GRM5: variants seen among roughly 807,000 people sequenced by gnomAD.
GRM5 encodes the protein metabotropic glutamate receptor 5.
A neutral mutation model predicts 83.1 loss-of-function variants in GRM5; 19 were observed. That is an observed-to-expected ratio of 0.23 (90% confidence interval 0.16 to 0.34). The LOEUF is 0.34. Among genes scored for constraint, GRM5 ranks in the 10% least tolerant of loss-of-function variants. GRM5 has a pLI of 1.00. For synonymous variants in GRM5, 675 were observed against 633.6 expected, an observed-to-expected ratio of 1.07 and a Z score of -0.98; for missense variants, 1,160 against 1,588.3, an observed-to-expected ratio of 0.73 and a Z score of 4.58.
intron 3 of GRM5, among the ~76,000 whole-genome samples, chr11:88,766,083 A>G (rs933543835): frequency 1.3e-5 from 2 of 151,976 alleles, no homozygotes; most frequent in Non-Finnish European, 2.9e-5. Context: ...ACATGAAAAG[A>G]TGCTCATGGA....
intron 1 of GRM5, among the ~76,000 whole-genome samples, chr11:89,050,051 C>T (rs1488858999): frequency 6.6e-6 from 1 of 152,098 alleles, no homozygotes; most frequent in Non-Finnish European, 1.5e-5. Flanking sequence ...TATGAGAGAC[C>T]TGGTGTCCTG....
At chr11:88,598,000 A>C (rs1937868378) in intron 5 of GRM5, among the ~76,000 whole-genome samples, 1 of 152,114 alleles carries the variant, frequency 6.6e-6, no homozygotes, top group Non-Finnish European at 1.5e-5. Context: ...GAAATGTAAA[A>C]AGAGAAAATC....
intron 8 of GRM5, among the ~76,000 whole-genome samples, chr11:88,561,978 C>T (rs11020419): frequency 0.054 from 8,187 of 152,088 alleles, 696 homozygotes; most frequent in African/African-American, 0.18. Flanking sequence ...AAATTTGCTT[C>T]GTCTAGCCCC....
intron 3 of GRM5, among the ~76,000 whole-genome samples, chr11:88,750,185 A>G (rs1458661022): frequency 6.6e-6 from 1 of 152,156 alleles, no homozygotes. Flanking sequence ...GCTGTCTTTA[A>G]GAGACCCATC....
At chr11:88,772,422 A>T (rs1489210328) in intron 3 of GRM5, among the ~76,000 whole-genome samples, 9 of 150,168 alleles carry the variant, frequency 6.0e-5, no homozygotes, top group African/African-American at 1.7e-4. Context: ...TTTTTTTTTT[A>T]CTATCTGGCC....
At chr11:88,647,652 TG>T (rs1372021864) in intron 4 of GRM5, among the ~76,000 whole-genome samples, 3 of 151,996 alleles carry the variant, frequency 2.0e-5, no homozygotes, top group African/African-American at 7.2e-5. Context: ...AATTGACAAA[TG>T]GGATCTAATT....
At chr11:88,644,436 G>A (rs933959347) in intron 4 of GRM5, among the ~76,000 whole-genome samples, 6 of 152,126 alleles carry the variant, frequency 3.9e-5, no homozygotes, top group Non-Finnish European at 8.8e-5. Flanking sequence ...TAAAGATAGC[G>A]CCTCTCCTTG....
chr11:88,775,387 C>T (rs958210512), intron 3 of GRM5, among the ~76,000 whole-genome samples: 14 of 152,018 alleles, frequency 9.2e-5, no homozygotes, highest in African/African-American at 2.9e-4. Flanking sequence ...TTCAAAAAAC[C>T]GGCTCCTGCA....
chr11:89,010,555 C>T (rs1591045372), intron 2 of GRM5, among the ~76,000 whole-genome samples: 2 of 151,820 alleles, frequency 1.3e-5, no homozygotes, highest in South Asian at 4.2e-4. Flanking sequence ...TAGGGTGGCA[C>T]AGAATTGTTA....
chr11:88,534,057 T>A (rs1244926782), intron 8 of GRM5, among the ~76,000 whole-genome samples: 1 of 152,148 alleles, frequency 6.6e-6, no homozygotes, highest in East Asian at 1.9e-4. Flanking sequence ...ACCACCTAGA[T>A]TTCAGAAGAT....
chr11:88,611,700 A>T (rs1938321817), intron 4 of GRM5, among the ~76,000 whole-genome samples: 1 of 152,134 alleles, frequency 6.6e-6, no homozygotes, highest in Non-Finnish European at 1.5e-5. Context: ...GGATTTTCAC[A>T]TCTCAATTTC....
At chr11:88,793,820 GT>G (rs553286958) in intron 3 of GRM5, among the ~76,000 whole-genome samples, 2 of 151,778 alleles carry the variant, frequency 1.3e-5, no homozygotes, top group South Asian at 4.2e-4. Context: ...TGTTTTTTTT[GT>G]TTGTTCGTTT....
chr11:88,689,116 C>T (rs2648365), intron 3 of GRM5, among the ~76,000 whole-genome samples: 1 of 152,058 alleles, frequency 6.6e-6, no homozygotes, highest in Non-Finnish European at 1.5e-5. Context: ...AACTGTGATA[C>T]TAAATAGGCT....
At chr11:89,051,430 C>T (rs1941759272) in intron 1 of GRM5, among the ~76,000 whole-genome samples, 1 of 152,030 alleles carries the variant, frequency 6.6e-6, no homozygotes, top group South Asian at 2.1e-4. Flanking sequence ...TTAATGTTGG[C>T]CAGGCGCGGT....
intron 2 of GRM5, among the ~76,000 whole-genome samples, chr11:88,972,102 C>T (rs929487207): frequency 6.6e-6 from 1 of 152,148 alleles, no homozygotes; most frequent in African/African-American, 2.4e-5. Flanking sequence ...ATCCAAAGGG[C>T]ATCAGCCTAA....
intron 5 of GRM5, among the ~76,000 whole-genome samples, chr11:88,600,862 C>T (rs938001171): frequency 6.6e-6 from 1 of 152,088 alleles, no homozygotes; most frequent in African/African-American, 2.4e-5. Flanking sequence ...GTTAAAAATT[C>T]TTAAATGTGT....
chr11:88,789,573 T>C (rs760605693), intron 3 of GRM5, among the ~76,000 whole-genome samples: 1 of 152,128 alleles, frequency 6.6e-6, no homozygotes. Flanking sequence ...ATTCCTAAAA[T>C]CCTTTTATGA....
chr11:88,950,765 A>G (rs568867150), intron 2 of GRM5, among the ~76,000 whole-genome samples: 1 of 152,352 alleles, frequency 6.6e-6, no homozygotes, highest in East Asian at 1.9e-4. Flanking sequence ...GTAGCTACCC[A>G]AAAAGCTATT....
chr11:88,681,603 G>A (rs1302780203), intron 3 of GRM5, among the ~76,000 whole-genome samples: 5 of 21,292 alleles, frequency 2.3e-4, no homozygotes, highest in South Asian at 3.0e-3. Flanking sequence ...ATGGAGTCTC[G>A]CTCTGTCACC....
Sources: gnomAD v4.1 joint callset for allele counts (sites outside exome capture counted in the v4.1 genomes callset) on GRCh38, gnomAD v4.1.1 for gene constraint, MANE v1.5 for transcripts, NCBI Gene and HGNC (gene_info 2026-07-23, HGNC 2026-07-21) for gene names.